The following USP13 variants were observed in gnomAD, a reference collection of about 807,000 sequenced individuals.
USP13 encodes ubiquitin carboxyl-terminal hydrolase 13.
USP13 carries 68 observed loss-of-function variants against 107.8 expected under a neutral mutation model. That is an observed-to-expected ratio of 0.63 (90% CI 0.52 to 0.77). USP13 has a LOEUF of 0.77. Ranked by LOEUF, USP13 falls within the 30% of genes least tolerant of loss-of-function variation. USP13 has a pLI of 0.00. For synonymous variants in USP13, 377 were observed against 389.5 expected (o/e 0.97, Z 0.38); for missense variants, 945 against 1,093.3 (o/e 0.86, Z 1.91).
At chr3:179,693,875 C>T (rs557276005) in intron 3 of USP13, among the ~76,000 whole-genome samples, 2 of 151,128 alleles carry the variant, frequency 1.3e-5, no homozygotes, top group Admixed American at 6.6e-5. Flanking sequence ...GACGAGGTTT[C>T]ACCATGTTGG....
chr3:179,740,609 A>G (rs931982428), intron 11 of USP13, among the ~76,000 whole-genome samples: 1 of 152,110 alleles, frequency 6.6e-6, no homozygotes, highest in Non-Finnish European at 1.5e-5. Context: ...TTTAACCTGT[A>G]TGTGTTATAG....
intron 3 of USP13, among the ~76,000 whole-genome samples, chr3:179,698,097 C>A (rs1334826915): frequency 1.3e-5 from 2 of 152,144 alleles, no homozygotes; most frequent in Non-Finnish European, 2.9e-5. Flanking sequence ...GTGTGCCAGG[C>A]ACAGTACAGG....
Position 179,653,415 on chromosome 3 carries a change from A to T in USP13, c.168+22A>T. On this transcript the variant is annotated intron_variant, in intron 1 of 20. Transcript: ENST00000263966. This position sits in a 1 kb window ranked among gnomAD's most constrained non-coding sequence, Gnocchi z 4.0. ...TCCCGTAAGTGAGGCGCCTCGGGGG[A>T]GGGTCGCGGGGCCGGCGGCCTGCGG... 1 of 1,543,992 alleles carries T rather than the reference A, an allele frequency of 6.5e-7. No individual in the cohort carries two copies. Among genetic ancestry groups the T allele is most frequent in the South Asian group, 1.2e-5 (1 of 83,908 alleles).
At position 179,687,659 on chromosome 3, in the gene USP13, C is replaced by CAAAAAAAAAAAAAAAAAAA. The variant is rs71182509; in HGVS notation, c.295-2574_295-2556dup. On this transcript the variant is annotated intron_variant, in intron 2 of 20. Coordinates refer to ENST00000263966, the MANE Select transcript of USP13 (RefSeq NM_003940.3). ...GGGCAACAAGAGTGAAACTCTGTCT[C>CAAAAAAAAAAAAAAAAAAA]AAAAAAAAAAAAAAAAAAAAAAAAA... Among the ~76,000 whole-genome samples, 116 of 18,518 alleles carry CAAAAAAAAAAAAAAAAAAA rather than the reference C, an allele frequency of 6.3e-3. 28 individuals are homozygous for CAAAAAAAAAAAAAAAAAAA. The highest frequency in any genetic ancestry group is 9.1e-3 in the Non-Finnish European group (54 of 5,926). The allele number at this position is 18,518 out of a possible 152,430, so 12.1% of individuals were successfully genotyped here. A position where few individuals can be genotyped will look rare whatever the true frequency, so the allele number is the denominator to read the frequency against.
At chr3:179,658,967 C>CA (rs34839541) in intron 1 of USP13, among the ~76,000 whole-genome samples, 5 of 152,030 alleles carry the variant, frequency 3.3e-5, no homozygotes, top group African/African-American at 1.2e-4. Context: ...GTGGCTGAAC[C>CA]AAAAAGGTGG....
At chr3:179,757,607 C>G (rs73885933) in intron 16 of USP13, among the ~76,000 whole-genome samples, 6,920 of 151,962 alleles carry the variant, frequency 0.046, 534 homozygotes, top group African/African-American at 0.16. Flanking sequence ...TGGTTTTCTA[C>G]AAAGAACATA....
At chr3:179,728,066 C>CA (rs1560064920) in intron 8 of USP13, among the ~76,000 whole-genome samples, 1 of 64,200 alleles carries the variant, frequency 1.6e-5, no homozygotes, top group Non-Finnish European at 3.8e-5. Context: ...GCTGGCCGGG[C>CA]GGGGGGCTGA....
intron 3 of USP13, among the ~76,000 whole-genome samples, chr3:179,694,201 C>T (rs779753921): frequency 1.3e-5 from 2 of 152,114 alleles, no homozygotes; most frequent in African/African-American, 2.4e-5. Context: ...TCTCAAACTC[C>T]GGGGCTCAAG....
At chr3:179,681,480 G>T (rs770441061) in intron 1 of USP13, among the ~76,000 whole-genome samples, 28 of 152,208 alleles carry the variant, frequency 1.8e-4, no homozygotes, top group Non-Finnish European at 4.0e-4. Flanking sequence ...AACAGTTCCA[G>T]GTGCAGGGGC....
At chr3:179,740,164 A>G (rs990535943) in intron 10 of USP13, 83 bp from the exon 11 acceptor site, 4 of 1,566,788 alleles carry the variant, frequency 2.6e-6, no homozygotes, top group Middle Eastern at 1.7e-4. Flanking sequence ...AGTGGAGTTT[A>G]TGGTGGGTTC....
At chr3:179,740,159 A>G in intron 10 of USP13, 88 bp from the exon 11 acceptor site, 1 of 1,552,590 alleles carries the variant, frequency 6.4e-7, no homozygotes, top group Non-Finnish European at 8.8e-7. Context: ...TGGAAAGTGG[A>G]GTTTATGGTG....
chr3:179,707,841 CTG>C (rs1184040842), intron 5 of USP13, among the ~76,000 whole-genome samples: 5 of 152,320 alleles, frequency 3.3e-5, no homozygotes, highest in African/African-American at 9.6e-5. Flanking sequence ...CATTCACCTT[CTG>C]TGTGGTCTTT....
chr3:179,654,428 C>T (rs1008159377), intron 1 of USP13, among the ~76,000 whole-genome samples: 1 of 152,110 alleles, frequency 6.6e-6, no homozygotes, highest in African/African-American at 2.4e-5. Flanking sequence ...TGAGAGGGAT[C>T]GCCGCCTTCC....
Position 179,742,116 on chromosome 3 carries a change from C to G in USP13, c.1381-81C>G. On this transcript the variant is annotated intron_variant, in intron 11 of 20. Coordinates refer to ENST00000263966, the MANE Select transcript of USP13 (RefSeq NM_003940.3). This position sits in a 1 kb window ranked among gnomAD's most constrained non-coding sequence, Gnocchi z 5.0. The stretch of plus-strand genomic sequence containing the variant: ...GTTTAATAAAGCCAAGTGTTTACAC[C>G]GGGTTTAGAGTTCATTTTCTACTAA... 1 of 1,548,712 alleles carries G rather than the reference C, an allele frequency of 6.5e-7. No individual in the cohort carries two copies. Among genetic ancestry groups the G allele is most frequent in the Non-Finnish European group, 8.8e-7 (1 of 1,131,796 alleles).
chr3:179,741,370 T>C (rs897808631), intron 11 of USP13, among the ~76,000 whole-genome samples: 2 of 152,216 alleles, frequency 1.3e-5, no homozygotes, highest in Non-Finnish European at 2.9e-5. Context: ...GTGGTTTCTC[T>C]TGTCTGCCTC....
chr3:179,758,088 T>TA (rs1714868809), intron 16 of USP13, among the ~76,000 whole-genome samples: 2 of 152,144 alleles, frequency 1.3e-5, no homozygotes, highest in South Asian at 2.1e-4. Context: ...CTACTTTTTA[T>TA]AAAAAAGGTC....
At chr3:179,654,684 G>C (rs1720199935) in intron 1 of USP13, among the ~76,000 whole-genome samples, 1 of 152,170 alleles carries the variant, frequency 6.6e-6, no homozygotes, top group South Asian at 2.1e-4. Context: ...GTCTCGCAAT[G>C]GTCTAATGTA....
chr3:179,654,213 C>CAAAAAAAAA (rs61231956), intron 1 of USP13, among the ~76,000 whole-genome samples: 1 of 105,512 alleles, frequency 9.5e-6, no homozygotes, highest in Non-Finnish European at 1.8e-5. Context: ...GACTCCGTCT[C>CAAAAAAAAA]AAAAAAAAAA....
intron 1 of USP13, among the ~76,000 whole-genome samples, chr3:179,659,819 A>G (rs937184583): frequency 1.3e-4 from 20 of 152,246 alleles, no homozygotes; most frequent in Middle Eastern, 3.4e-3. Flanking sequence ...TGGGTGGATC[A>G]CCTTATGAGG....
Sources: allele counts gnomAD v4.1 joint callset (sites outside exome capture counted in the v4.1 genomes callset), GRCh38; gene constraint gnomAD v4.1.1; non-coding constraint Gnocchi (gnomAD v3.1); transcripts MANE v1.5; gene names NCBI Gene and HGNC (gene_info 2026-07-23, HGNC 2026-07-21).